The following RBFOX3 variants were observed in gnomAD, a reference collection of about 807,000 sequenced individuals.
RBFOX3 encodes RNA binding fox-1 homolog 3.
A neutral mutation model predicts 48.7 loss-of-function variants in RBFOX3; 17 were observed. That is an observed-to-expected ratio of 0.35 (90% CI 0.24 to 0.52). The LOEUF is 0.52. Ranked by LOEUF, RBFOX3 falls within the 20% of genes least tolerant of loss-of-function variation. The pLI, the probability that RBFOX3 is intolerant of heterozygous loss-of-function variation, is 0.94. For missense variants in RBFOX3, 382 were observed against 497.5 expected, an observed-to-expected ratio of 0.77 and a Z score of 2.21; for synonymous variants, 212 against 209.5, an observed-to-expected ratio of 1.01 and a Z score of -0.10.
At chr17:79,484,032 G>T (rs2149510232) in intron 1 of RBFOX3, among the ~76,000 whole-genome samples, 1 of 152,218 alleles carries the variant, frequency 6.6e-6, no homozygotes, top group South Asian at 2.1e-4. Context: ...CACAAAAACG[G>T]TTTAGGAGAT....
At chr17:79,268,577 ATCT>A (rs1262099337) in intron 3 of RBFOX3, among the ~76,000 whole-genome samples, 1 of 152,074 alleles carries the variant, frequency 6.6e-6, no homozygotes, top group Non-Finnish European at 1.5e-5. Context: ...AAGGAAGCTG[ATCT>A]TCTCCTTTGT....
At position 79,543,410 on chromosome 17, in the gene RBFOX3, A is replaced by G. The variant is rs556636372; in HGVS notation, c.-319-60812T>C. Among the ~76,000 whole-genome samples the G allele has an allele frequency of 5.3e-5, 8 of 152,210 alleles. No individual in the cohort carries two copies. In the South Asian group the frequency reaches 1.7e-3, roughly 32 times the overall value. The stretch of plus-strand genomic sequence containing the variant: ...CAGTGAAAGGACGCCTGAAATGCCA[A>G]TGTTCATCACCCTCTGAGGGTAGAA... On this transcript the variant is annotated intron_variant, in intron 1 of 14. Transcript: ENST00000693108.
chr17:79,376,178 G>A (rs2059199470), intron 2 of RBFOX3, among the ~76,000 whole-genome samples: 1 of 152,140 alleles, frequency 6.6e-6, no homozygotes, highest in African/African-American at 2.4e-5. Context: ...GCAGCCCCTG[G>A]GCGAGGAGAC....
chr17:79,286,122 T>C (rs184711663), intron 3 of RBFOX3, among the ~76,000 whole-genome samples: 1 of 152,298 alleles, frequency 6.6e-6, no homozygotes, highest in Non-Finnish European at 1.5e-5. Context: ...GTGCAGAGTC[T>C]ATTGCAAATA....
chr17:79,193,018 A>C (rs577887812), intron 4 of RBFOX3, among the ~76,000 whole-genome samples: 1 of 152,276 alleles, frequency 6.6e-6, no homozygotes, highest in Non-Finnish European at 1.5e-5. Context: ...TGGGGCCAAC[A>C]GTTTCCTTCC....
chr17:79,539,557 T>C (rs1471444763), intron 1 of RBFOX3, among the ~76,000 whole-genome samples: 1 of 152,146 alleles, frequency 6.6e-6, no homozygotes, highest in Non-Finnish European at 1.5e-5. Flanking sequence ...GGAAAACACA[T>C]AGTGCATGGT....
chr17:79,475,117 T>G (rs1456569996), intron 2 of RBFOX3, among the ~76,000 whole-genome samples: 1 of 152,098 alleles, frequency 6.6e-6, no homozygotes, highest in Non-Finnish European at 1.5e-5. Flanking sequence ...AATTCTTAGT[T>G]TGTTCTCAAG....
intron 1 of RBFOX3, among the ~76,000 whole-genome samples, chr17:79,510,423 C>G (rs1270334505): frequency 9.2e-5 from 14 of 152,218 alleles, no homozygotes; most frequent in African/African-American, 2.9e-4. Context: ...GCCACCCTAC[C>G]CTCAGACGAC....
In RBFOX3 at chr17:79,611,021, G is replaced by T. The variant is rs1454962051; in HGVS notation, c.-515C>A. Among the ~76,000 whole-genome samples the T allele has an allele frequency of 2.0e-5, 3 of 151,310 alleles. No homozygotes were observed. The highest frequency in any genetic ancestry group is 7.3e-5 in the African/African-American group (3 of 41,326). On this transcript the variant is annotated 5_prime_UTR_variant, in exon 1 of 15. Transcript: ENST00000693108. ...CCGACCACGCGAGCTGCTGGGGCCC[G>T]GCTGGGGCCGCTGTCCGAGGAGGTT... is the stretch of plus-strand genomic sequence containing the variant.
At chr17:79,583,232 G>T (rs1171174405) in intron 1 of RBFOX3, among the ~76,000 whole-genome samples, 1 of 152,172 alleles carries the variant, frequency 6.6e-6, no homozygotes. Flanking sequence ...GGTAAAGCAG[G>T]GCCCTCTTTC....
intron 4 of RBFOX3, among the ~76,000 whole-genome samples, chr17:79,127,907 C>T (rs111351157): frequency 6.6e-6 from 1 of 152,240 alleles, no homozygotes; most frequent in Non-Finnish European, 1.5e-5. Flanking sequence ...GGCTGACTTG[C>T]CCCTGTCACG....
At chr17:79,145,426 C>G (rs932946261) in intron 4 of RBFOX3, among the ~76,000 whole-genome samples, 10 of 152,224 alleles carry the variant, frequency 6.6e-5, no homozygotes, top group African/African-American at 2.4e-4. Context: ...TCTGAGGCCA[C>G]TGGCCTGGGG....
chr17:79,285,232 C>T (rs1304269858), intron 3 of RBFOX3, among the ~76,000 whole-genome samples: 1 of 152,188 alleles, frequency 6.6e-6, no homozygotes, highest in African/African-American at 2.4e-5. Context: ...CTGTCAGTGG[C>T]GCTGTCCCCC....
chr17:79,413,633 G>A (rs945237820), intron 2 of RBFOX3, among the ~76,000 whole-genome samples: 9 of 152,336 alleles, frequency 5.9e-5, no homozygotes, highest in East Asian at 1.9e-4. Flanking sequence ...CACAGGCAGC[G>A]TTGCAGCCCC....
Position 79,361,469 on chromosome 17 carries a change from C to T in RBFOX3, c.-174-53645G>A, listed in dbSNP as rs1830326458. Among the ~76,000 whole-genome samples the T allele has an allele frequency of 6.6e-6, 1 of 152,192 alleles. No individual in the cohort carries two copies. The highest frequency in any genetic ancestry group is 2.4e-5 in the African/African-American group (1 of 41,440). Reference sequence around the variant, plus strand: ...CCTTGGTTACTGGAGTCACCAGGACCTGCAGCACCTTGCCAACACCCTGGC... The same window carrying T: ...CCTTGGTTACTGGAGTCACCAGGACTTGCAGCACCTTGCCAACACCCTGGC... On this transcript the variant is annotated intron_variant, in intron 2 of 14. Coordinates refer to ENST00000693108, the MANE Select transcript of RBFOX3 (RefSeq NM_001350451.2). This position sits in a 1 kb window ranked among gnomAD's most constrained non-coding sequence, Gnocchi z 4.5.
At chr17:79,659,097 G>A in the RBFOX3 span, among the ~76,000 whole-genome samples, 1 of 152,090 alleles carries the variant, frequency 6.6e-6, no homozygotes, top group Non-Finnish European at 1.5e-5. Context: ...TGACGTGAGT[G>A]GCCGCCTTGG....
chr17:79,568,775 G>A (rs1446229791), intron 1 of RBFOX3, among the ~76,000 whole-genome samples: 1 of 152,166 alleles, frequency 6.6e-6, no homozygotes, highest in East Asian at 1.9e-4. Context: ...CTCTGAAGGC[G>A]ACTGGTTGGC....
rs1001379666 is a variant in RBFOX3 at position 79,111,602 on chromosome 17, A to G, written c.222+3892T>C. ...AGGCACGAGCCACCATGCCCGATTA[A>G]TTTTTGTATTTTTGTAGAGACAGGG... On this transcript the variant is annotated intron_variant, in intron 5 of 14. Transcript: ENST00000693108. This position sits in a 1 kb window ranked among gnomAD's most constrained non-coding sequence, Gnocchi z 4.2. Among the ~76,000 whole-genome samples the G allele has an allele frequency of 6.6e-6, 1 of 151,986 alleles. No individual in the cohort carries two copies. The highest frequency in any genetic ancestry group is 2.4e-5 in the African/African-American group (1 of 41,384).
At chr17:79,359,292 T>C (rs1323602642) in intron 2 of RBFOX3, among the ~76,000 whole-genome samples, 2 of 152,220 alleles carry the variant, frequency 1.3e-5, no homozygotes, top group Admixed American at 1.3e-4. Flanking sequence ...GCAGCTTAAT[T>C]TGAGTTTCAG....
Sources: allele counts gnomAD v4.1 joint callset (sites outside exome capture counted in the v4.1 genomes callset), GRCh38; gene constraint gnomAD v4.1.1; non-coding constraint Gnocchi (gnomAD v3.1); transcripts MANE v1.5; gene names NCBI Gene and HGNC (gene_info 2026-07-23, HGNC 2026-07-21).